The following ITGA1 variants were observed in gnomAD, a reference collection of about 807,000 sequenced individuals.
The protein encoded by ITGA1 is integrin alpha-1.
In ITGA1, 85 loss-of-function variants were observed where a neutral mutation model predicts 145.9. That is an observed-to-expected ratio of 0.58 (90% confidence interval 0.49 to 0.70). ITGA1 has a LOEUF of 0.70. Among genes scored for constraint, ITGA1 ranks in the 30% least tolerant of loss-of-function variants. ITGA1 has a pLI of 0.00. For missense variants in ITGA1, 1,351 were observed against 1,418.7 expected (o/e 0.95, Z 0.77); for synonymous variants, 520 against 495.3 (o/e 1.05, Z -0.66).
intron 2 of ITGA1, among the ~76,000 whole-genome samples, chr5:52,860,166 T>C (rs1023715363): frequency 6.6e-6 from 1 of 152,246 alleles, no homozygotes; most frequent in Non-Finnish European, 1.5e-5. Flanking sequence ...ATTGATATAC[T>C]TGATAAGTAT....
intron 1 of ITGA1, among the ~76,000 whole-genome samples, chr5:52,844,142 A>G (rs910921487): frequency 1.3e-5 from 2 of 152,048 alleles, no homozygotes; most frequent in African/African-American, 2.4e-5. Context: ...ACTCTTGCAT[A>G]TATAGCATAT....
intron 11 of ITGA1, among the ~76,000 whole-genome samples, chr5:52,900,784 A>T (rs1579706888): frequency 6.6e-6 from 1 of 152,224 alleles, no homozygotes; most frequent in South Asian, 2.1e-4. Flanking sequence ...AATGGAAATA[A>T]TTACACCATA....
rs1165116666 is a variant in ITGA1, at chr5:52,955,037, C to G, written c.*2586C>G. On this transcript the variant is annotated 3_prime_UTR_variant, in exon 29 of 29. Transcript: ENST00000282588. ...TGCCAAAAAGTTTCTTTTTCTCTAACTTTGGTATTCTAAATAATTGATTAT... is the reference window on the plus strand; with the variant it reads ...TGCCAAAAAGTTTCTTTTTCTCTAAGTTTGGTATTCTAAATAATTGATTAT... 2.0e-5 allele frequency: 3 copies of G among 152,000 alleles called. No individual in the cohort carries two copies. Among genetic ancestry groups the G allele is most frequent in the Non-Finnish European group, 4.4e-5 (3 of 67,988 alleles). 9.4% of individuals were successfully genotyped at this position (152,000 alleles called of 1,614,324 possible). A position where few individuals can be genotyped will look rare whatever the true frequency, so the allele number is the denominator to read the frequency against.
chr5:52,890,278 T>C (rs1213266644), intron 8 of ITGA1, among the ~76,000 whole-genome samples: 1 of 152,226 alleles, frequency 6.6e-6, no homozygotes, highest in East Asian at 1.9e-4. Flanking sequence ...ATTTTAAGAA[T>C]ATTTCATTGT....
intron 19 of ITGA1, among the ~76,000 whole-genome samples, chr5:52,926,462 C>A (rs1042965189): frequency 6.6e-6 from 1 of 150,882 alleles, no homozygotes; most frequent in Non-Finnish European, 1.5e-5. Flanking sequence ...ATTAGCAAGG[C>A]ATGGTGGCAC....
rs780361762 is a variant in ITGA1, at chr5:52,849,392, A to G, written c.89A>G (p.Asn30Ser). Residue 30 changes from asparagine (N) to serine (S), a missense_variant, in exon 2 of 29, where the codon AAT (asparagine) becomes AGT (serine). Physicochemically the swap from Asn to Ser is conservative, Grantham distance 46. Transcript: ENST00000282588. Reference protein sequence around the residue: ...TVVLRCCVSFNVDVKNSMTFS... With the variant: ...TVVLRCCVSFSVDVKNSMTFS... ...GTTCTACGCTGCTGCGTATCATTCA[A>G]TGTTGATGTGAAAAATTCAATGACT... 10 of 1,612,120 alleles carry G rather than the reference A, an allele frequency of 6.2e-6. No homozygotes were observed. The highest frequency in any genetic ancestry group is 1.8e-4 in the Middle Eastern group (1 of 5,468).
At chr5:52,951,841 A>G (rs945301818) in intron 28 of ITGA1, among the ~76,000 whole-genome samples, 31 of 152,222 alleles carry the variant, frequency 2.0e-4, no homozygotes, top group Non-Finnish European at 4.0e-4. Flanking sequence ...AATTAGTTCA[A>G]TGTGTATACT....
chr5:52,893,694 G>A lies in ITGA1; in HGVS notation c.944G>A (p.Arg315Gln), dbSNP rs771494476. 8.1e-6 allele frequency: 13 copies of A among 1,612,198 alleles called. No individual in the cohort carries two copies. In the South Asian group the frequency reaches 8.8e-5, roughly 11 times the overall value. Reference protein sequence around the residue: ...FSIAILGSYNRGNLSTEKFVE... With the variant: ...FSIAILGSYNQGNLSTEKFVE... Reference sequence around the variant, plus strand: ...TCTTAGATTCTTGGCAGCTATAACCGAGGAAATTTAAGCACTGAAAAATTT... The same window carrying A: ...TCTTAGATTCTTGGCAGCTATAACCAAGGAAATTTAAGCACTGAAAAATTT... Residue 315 changes from arginine to glutamine, a missense_variant, in exon 9 of 29, where the codon CGA becomes CAA. Arg to Gln is a conservative substitution (Grantham distance 43). Coordinates refer to ENST00000282588, the MANE Select transcript of ITGA1 (RefSeq NM_181501.2).
At chr5:52,927,102 T>A (rs533013948) in intron 19 of ITGA1, among the ~76,000 whole-genome samples, 2 of 152,192 alleles carry the variant, frequency 1.3e-5, no homozygotes, top group Non-Finnish European at 1.5e-5. Flanking sequence ...AACCACTTGA[T>A]AGAAAATCAG....
At chr5:52,942,764 A>T (rs2111904778) in intron 26 of ITGA1, among the ~76,000 whole-genome samples, 1 of 148,284 alleles carries the variant, frequency 6.7e-6, no homozygotes, top group East Asian at 2.0e-4. Flanking sequence ...GATGGTCTCG[A>T]TCTCCTGACC....
At chr5:52,886,549 A>T (rs944061077) in intron 7 of ITGA1, among the ~76,000 whole-genome samples, 4 of 152,228 alleles carry the variant, frequency 2.6e-5, no homozygotes, top group Non-Finnish European at 4.4e-5. Context: ...TTGTACCAAA[A>T]TCCTAGAAAT....
At chr5:52,932,347 A>C (rs931248049) in intron 22 of ITGA1, 2 of 468,760 alleles carry the variant, frequency 4.3e-6, no homozygotes, top group African/African-American at 4.0e-5. Context: ...ATGTTTGAGA[A>C]CCATTATACT....
intron 10 of ITGA1, among the ~76,000 whole-genome samples, chr5:52,897,850 G>GT (rs5867845): frequency 1 from 152,313 of 152,314 alleles, 76,156 homozygotes; most frequent in Non-Finnish European, 1. Context: ...TTTTTCCACA[G>GT]GTCAAGGAAT....
At chr5:52,863,542 G>A (rs1447403270) in intron 3 of ITGA1, among the ~76,000 whole-genome samples, 1 of 152,152 alleles carries the variant, frequency 6.6e-6, no homozygotes, top group Non-Finnish European at 1.5e-5. Flanking sequence ...TTTAGTGCCA[G>A]TATCTTCTTC....
chr5:52,874,837 T>G (rs915978717), intron 6 of ITGA1, among the ~76,000 whole-genome samples: 1 of 152,198 alleles, frequency 6.6e-6, no homozygotes, highest in African/African-American at 2.4e-5. Flanking sequence ...ATAAATATAA[T>G]GAAGGTGAAT....
chr5:52,810,907 T>C (rs1342790338), intron 1 of ITGA1, among the ~76,000 whole-genome samples: 1 of 152,222 alleles, frequency 6.6e-6, no homozygotes, highest in Non-Finnish European at 1.5e-5. Context: ...GGCCTTTTTA[T>C]AATGGTTCAT....
intron 14 of ITGA1, among the ~76,000 whole-genome samples, chr5:52,911,379 T>C (rs956676059): frequency 7.5e-6 from 1 of 134,228 alleles, no homozygotes; most frequent in African/African-American, 2.7e-5. Flanking sequence ...AGTGAGTATA[T>C]AGTATATATA....
At chr5:52,877,425 G>C (rs979525588) in intron 6 of ITGA1, among the ~76,000 whole-genome samples, 3 of 152,146 alleles carry the variant, frequency 2.0e-5, no homozygotes, top group African/African-American at 7.2e-5. Flanking sequence ...TTGAGGACTA[G>C]ATAAAACAGG....
intron 1 of ITGA1, among the ~76,000 whole-genome samples, chr5:52,794,500 TAC>T (rs56996823): frequency 0.023 from 3,320 of 141,834 alleles, 53 homozygotes; most frequent in South Asian, 0.033. Context: ...CAAATAGAAA[TAC>T]ACACACACAC....
Sources: gnomAD v4.1 joint callset for allele counts (sites outside exome capture counted in the v4.1 genomes callset) on GRCh38, gnomAD v4.1.1 for gene constraint, MANE v1.5 for transcripts, NCBI Gene and HGNC (gene_info 2026-07-23, HGNC 2026-07-21) for gene names.